STAT4: variants seen among roughly 807,000 people sequenced by gnomAD.
STAT4 encodes signal transducer and activator of transcription 4.
In STAT4, 42 loss-of-function variants were observed where a neutral mutation model predicts 110.5. The observed-to-expected ratio is 0.38, with a 90% CI of 0.30 to 0.49. The LOEUF is 0.49. Among genes scored for constraint, STAT4 ranks in the 20% least tolerant of loss-of-function variants. The probability of loss-of-function intolerance (pLI) is 0.95; values close to 1 mark genes in which losing one functional copy is unlikely to be tolerated. For synonymous variants in STAT4, 284 were observed against 302.2 expected, an observed-to-expected ratio of 0.94 and a Z score of 0.63; for missense variants, 632 against 887.9, an observed-to-expected ratio of 0.71 and a Z score of 3.66.
intron 3 of STAT4, among the ~76,000 whole-genome samples, chr2:191,102,887 C>A (rs1402973437): frequency 6.6e-6 from 1 of 152,106 alleles, no homozygotes; most frequent in Non-Finnish European, 1.5e-5. Flanking sequence ...TTTCCATATA[C>A]TATTTTCTTT....
At position 191,142,518 on chromosome 2, in the gene STAT4, TAGA is replaced by T. The variant is rs984469386; in HGVS notation, c.273+4092_273+4094del. ...TAATGGGTACAAACATACAGTTAAA[TAGA>T]AGGATTAAGTTCTAACATTCTATAG... On this transcript the variant is annotated intron_variant, in intron 3 of 23. Coordinates refer to ENST00000392320, the MANE Select transcript of STAT4 (RefSeq NM_003151.4). This position sits in a 1 kb window ranked among gnomAD's most constrained non-coding sequence, Gnocchi z 4.1. Among the ~76,000 whole-genome samples the T allele has an allele frequency of 4.4e-4, 67 of 152,192 alleles. No homozygotes were observed. Among genetic ancestry groups the T allele is most frequent in the African/African-American group, 1.6e-3 (65 of 41,522 alleles).
chr2:191,149,840 C>T (rs1277108137), intron 1 of STAT4, among the ~76,000 whole-genome samples: 1 of 152,162 alleles, frequency 6.6e-6, no homozygotes, highest in Non-Finnish European at 1.5e-5. Flanking sequence ...TTTCATCATA[C>T]TATTGTTAAA....
chr2:191,031,206 T>A lies in STAT4; in HGVS notation c.2112-126A>T. On this transcript the variant is annotated intron_variant, in intron 22 of 23. Transcript: ENST00000392320. This position sits in a 1 kb window ranked among gnomAD's most constrained non-coding sequence, Gnocchi z 4.8. ...TTGTGACATTGAGTTATCTAATTCA[T>A]CATTTCATATCAGAACACTCAACTT... 9.8e-7 allele frequency: 1 copy of A among 1,020,668 alleles called. No individual in the cohort carries two copies. Among genetic ancestry groups the A allele is most frequent in the South Asian group, 1.5e-5 (1 of 65,150 alleles). 63.2% of individuals were successfully genotyped at this position (1,020,668 alleles called of 1,614,324 possible).
rs900000433 is a variant in STAT4 at position 191,083,830 on chromosome 2, G to A, written c.274-7505C>T. On this transcript the variant is annotated intron_variant, in intron 3 of 23. Transcript: ENST00000392320. The surrounding 1 kb of genome is among the most constrained non-coding windows in gnomAD (Gnocchi z 4.6). ...ATAAATTAAGTAAATAAGCCCAAAT[G>A]CCTTTCAAGTTCGCATGATTTTAGT... Among the ~76,000 whole-genome samples the A allele has an allele frequency of 6.6e-6, 1 of 152,032 alleles. No individual in the cohort carries two copies. The highest frequency in any genetic ancestry group is 1.5e-5 in the Non-Finnish European group (1 of 68,004).
At chr2:191,080,632 T>C (rs1210211645) in intron 3 of STAT4, among the ~76,000 whole-genome samples, 2 of 152,214 alleles carry the variant, frequency 1.3e-5, no homozygotes, top group African/African-American at 2.4e-5. Flanking sequence ...AGAGTTGTAA[T>C]AGTCTAGTCA....
chr2:191,111,365 G>A (rs560033405), intron 3 of STAT4, among the ~76,000 whole-genome samples: 2 of 152,206 alleles, frequency 1.3e-5, no homozygotes, highest in African/African-American at 4.8e-5. Context: ...AACAATTTAA[G>A]AATATAATTT....
upstream of STAT4, chr2:191,151,129 C>T: frequency 1.0e-6 from 1 of 985,334 alleles, no homozygotes; most frequent in Non-Finnish European, 1.2e-6. The surrounding 1 kb of genome is among the most constrained non-coding windows in gnomAD (Gnocchi z 4.7). Flanking sequence ...GGTCAGTTCC[C>T]ACCCACTCTA....
Position 191,062,919 on chromosome 2 carries a change from A to G in STAT4, c.784T>C (p.Phe262Leu), listed in dbSNP as rs1696890578. 6.2e-7 allele frequency: 1 copy of G among 1,612,298 alleles called. No homozygotes were observed. ...HNGLDQLQNC[F>L]TLLAESLFQL... ...AAAAGACTTTCTGCCAATAGTGTAA[A>G]GCTATTGAACAGAAAATGAAAATCA... The change falls in exon 9 of 24, where the codon TTT (phenylalanine) becomes CTT (leucine). Residue 262 changes from phenylalanine to leucine, a missense_variant and splice_region_variant. Around this residue, in one of 4 missense-constraint regions of STAT4, gnomAD observed 488 missense variants for 632.8 expected, o/e 0.77. Coordinates refer to ENST00000392320, the MANE Select transcript of STAT4 (RefSeq NM_003151.4). The surrounding 1 kb of genome is among the most constrained non-coding windows in gnomAD (Gnocchi z 4.9).
chr2:191,074,882 C>T (rs536159266), intron 4 of STAT4, among the ~76,000 whole-genome samples: 2 of 151,986 alleles, frequency 1.3e-5, no homozygotes, highest in Non-Finnish European at 1.5e-5. Flanking sequence ...TACTTTTGGC[C>T]GGGGGCGGTG....
In STAT4 at chr2:191,076,268, C is replaced by G; in HGVS notation, c.331G>C (p.Glu111Gln). ...GCTGCAGCCAATATTCTCCTCTCTT[C>G]CCTTAAACAGTTTGAAATAACCACA... is the stretch of plus-strand genomic sequence containing the variant. ...VAVVISNCLR[E>Q]ERRILAAANM... Residue 111 changes from glutamate (E) to glutamine (Q), a missense_variant, in exon 4 of 24, where the codon GAA becomes CAA. Glu to Gln is a conservative substitution (Grantham distance 29). Transcript: ENST00000392320. 2 of 1,613,862 alleles carry G rather than the reference C, an allele frequency of 1.2e-6. No homozygotes were observed. Among genetic ancestry groups the G allele is most frequent in the Non-Finnish European group, 1.7e-6 (2 of 1,179,910 alleles).
At chr2:191,133,712 A>C (rs1204096485) in intron 3 of STAT4, among the ~76,000 whole-genome samples, 1 of 151,718 alleles carries the variant, frequency 6.6e-6, no homozygotes, top group Non-Finnish European at 1.5e-5. Context: ...AAAGACAAAA[A>C]GGAAGGTGAA....
chr2:191,118,107 G>A (rs146226234), intron 3 of STAT4, among the ~76,000 whole-genome samples: 7 of 152,302 alleles, frequency 4.6e-5, no homozygotes, highest in East Asian at 3.8e-4. Context: ...GAGATTTTAC[G>A]CACTGCTGGT....
Position 191,032,932 on chromosome 2 carries a change from A to C in STAT4, c.2044+26T>G. 6.4e-7 allele frequency: 1 copy of C among 1,574,580 alleles called. No homozygotes were observed. The stretch of plus-strand genomic sequence containing the variant: ...TTTTCCAAAATCTTAAGGAAAAAAA[A>C]ACAAAAACAAACAGAAAAACCTAAC... On this transcript the variant is annotated intron_variant, in intron 21 of 23. Transcript: ENST00000392320. This position sits in a 1 kb window ranked among gnomAD's most constrained non-coding sequence, Gnocchi z 4.9.
At position 191,036,196 on chromosome 2, in the gene STAT4, T is replaced by A. The variant is rs147007636; in HGVS notation, c.1538A>T (p.Asp513Val). 219 of 1,614,026 alleles carry A rather than the reference T, an allele frequency of 1.4e-4. No homozygotes were observed. The highest frequency in any genetic ancestry group is 1.8e-4 in the Non-Finnish European group (209 of 1,180,020). Residue 513 changes from aspartate (D) to valine (V), a missense_variant, in exon 17 of 24, where the codon GAT (aspartate) becomes GTT (valine). Around this residue, in one of 4 missense-constraint regions of STAT4, gnomAD observed 488 missense variants for 632.8 expected, o/e 0.77. Transcript: ENST00000392320. ...CTTCTCTGCCAGCATATGGAGTTGA[T>A]CTGAGTTAAGACCACGACCAACGTA... The part of the protein sequence containing the change: ...SSYVGRGLNS[D>V]QLHMLAEKLT...
At chr2:191,092,925 C>A (rs1033962553) in intron 3 of STAT4, among the ~76,000 whole-genome samples, 1 of 152,144 alleles carries the variant, frequency 6.6e-6, no homozygotes, top group Non-Finnish European at 1.5e-5. Flanking sequence ...GTCCCATGCC[C>A]ATGGAGCCTT....
At position 191,144,182 on chromosome 2, in the gene STAT4, C is replaced by A. The variant is rs1398736612; in HGVS notation, c.273+2431G>T. Among the ~76,000 whole-genome samples, 2 of 152,080 alleles carry A rather than the reference C, an allele frequency of 1.3e-5. No homozygotes were observed. Among genetic ancestry groups the A allele is most frequent in the African/African-American group, 4.8e-5 (2 of 41,390 alleles). On this transcript the variant is annotated intron_variant, in intron 3 of 23. Coordinates refer to ENST00000392320, the MANE Select transcript of STAT4 (RefSeq NM_003151.4). The surrounding 1 kb of genome is among the most constrained non-coding windows in gnomAD (Gnocchi z 4.7). ...AGATCAGCCTTTTACCCTCAAGGACCTTGTGACCTGGTTTGACACACATGC... is the reference window on the plus strand; with the variant it reads ...AGATCAGCCTTTTACCCTCAAGGACATTGTGACCTGGTTTGACACACATGC...
In STAT4 at chr2:191,051,319, G is replaced by A. The variant is rs1293999069; in HGVS notation, c.1251+3171C>T. On this transcript the variant is annotated intron_variant, in intron 14 of 23. Transcript: ENST00000392320. The surrounding 1 kb of genome is among the most constrained non-coding windows in gnomAD (Gnocchi z 5.6). ...GTAGACACCTGCTCCCTCGAGAGGA[G>A]GCTGATCTGTAAATGCCATCACCAA... is the stretch of plus-strand genomic sequence containing the variant. Among the ~76,000 whole-genome samples the A allele has an allele frequency of 6.6e-6, 1 of 150,790 alleles. No individual in the cohort carries two copies. The highest frequency in any genetic ancestry group is 1.5e-5 in the Non-Finnish European group (1 of 67,574).
Position 191,088,156 on chromosome 2 carries a change from A to G in STAT4, c.274-11831T>C, listed in dbSNP as rs1228227202. Reference sequence around the variant, plus strand: ...GTCCATAGACACAGTGACTGTCTATATAGAAAATCCCAAAGAACAACAACA... The same window carrying G: ...GTCCATAGACACAGTGACTGTCTATGTAGAAAATCCCAAAGAACAACAACA... On this transcript the variant is annotated intron_variant, in intron 3 of 23. Coordinates refer to ENST00000392320, the MANE Select transcript of STAT4 (RefSeq NM_003151.4). Among the ~76,000 whole-genome samples the G allele has an allele frequency of 3.9e-5, 6 of 152,208 alleles. No individual in the cohort carries two copies. The South Asian group carries it at 6.2e-4, about 16-fold the overall frequency.
At position 191,061,721 on chromosome 2, in the gene STAT4, T is replaced by C. The variant is rs749772471; in HGVS notation, c.1034+8A>G. 6.8e-6 allele frequency: 11 copies of C among 1,613,236 alleles called. No individual in the cohort carries two copies. The highest frequency in any genetic ancestry group is 9.3e-6 in the Non-Finnish European group (11 of 1,179,208). On this transcript the variant is annotated splice_region_variant and intron_variant, in intron 10 of 23. Coordinates refer to ENST00000392320, the MANE Select transcript of STAT4 (RefSeq NM_003151.4). This position sits in a 1 kb window ranked among gnomAD's most constrained non-coding sequence, Gnocchi z 6.2. ...ACACACGAAATAGTAGAAAATGTTT[T>C]TGCCTACCTTAGTTTTACAGTGAAC...
Sources: allele counts gnomAD v4.1 joint callset (sites outside exome capture counted in the v4.1 genomes callset), GRCh38; gene constraint gnomAD v4.1.1; regional missense constraint gnomAD v4.1.1; non-coding constraint Gnocchi (gnomAD v3.1); transcripts MANE v1.5; gene names NCBI Gene and HGNC (gene_info 2026-07-23, HGNC 2026-07-21).